The following IGSF9B variants were observed in gnomAD, a reference collection of about 807,000 sequenced individuals.
The protein encoded by IGSF9B is protein turtle homolog B.
In IGSF9B, 48 loss-of-function variants were observed where a neutral mutation model predicts 143.7. That is an observed-to-expected ratio of 0.33 (90% CI 0.26 to 0.42). IGSF9B has a LOEUF of 0.42. Among genes scored for constraint, IGSF9B ranks in the 20% least tolerant of loss-of-function variants. The pLI is 1.00. For missense variants in IGSF9B, 1,706 were observed against 1,980.0 expected, an observed-to-expected ratio of 0.86 and a Z score of 2.63; for synonymous variants, 903 against 833.1, an observed-to-expected ratio of 1.08 and a Z score of -1.44.
chr11:133,942,508 C>T (rs1313931798), intron 3 of IGSF9B, among the ~76,000 whole-genome samples: 1 of 152,194 alleles, frequency 6.6e-6, no homozygotes, highest in East Asian at 1.9e-4. Flanking sequence ...ATTCTACTTT[C>T]CAGTCATACG....
At position 133,922,589 on chromosome 11, in the gene IGSF9B, C is replaced by A; in HGVS notation, c.2261G>T (p.Arg754Leu). ...CCCACCTTTTTTGCGCTTGAGCTTA[C>A]GCTTGCGCTGCTTGTTGACAAAGCA... The part of the protein sequence containing the change: ...AACFVNKQRK[R>L]KLKRKKDPPL... The change falls in exon 16 of 20, where the codon CGT becomes CTT. Residue 754 changes from arginine (R) to leucine (L), a missense_variant. Arg to Leu is a moderately radical substitution (Grantham distance 102). Around this residue, in one of 7 missense-constraint regions of IGSF9B, gnomAD observed 135 missense variants for 181.3 expected, o/e 0.74. Transcript: ENST00000533871. 1 of 1,611,944 alleles carries A rather than the reference C, an allele frequency of 6.2e-7. No homozygotes were observed.
At chr11:133,941,501 T>A (rs329641) in intron 3 of IGSF9B, among the ~76,000 whole-genome samples, 57,084 of 152,144 alleles carry the variant, frequency 0.38, 11,803 homozygotes, top group Middle Eastern at 0.51. Context: ...AACGTAATGC[T>A]GGTGCTTGGA....
At position 133,931,980 on chromosome 11, in the gene IGSF9B, G is replaced by C; in HGVS notation, c.1110+91C>G. On this transcript the variant is annotated intron_variant, in intron 8 of 19. Coordinates refer to ENST00000533871, the MANE Select transcript of IGSF9B (RefSeq NM_001277285.4). This position sits in a 1 kb window ranked among gnomAD's most constrained non-coding sequence, Gnocchi z 7.7. ...TGCCCAGGGCTTTTGGAAGGGGCCAGGAGTCCTGGCAGAAATCCAGAGCCC... is the reference window on the plus strand; with the variant it reads ...TGCCCAGGGCTTTTGGAAGGGGCCACGAGTCCTGGCAGAAATCCAGAGCCC... 2 of 1,529,662 alleles carry C rather than the reference G, an allele frequency of 1.3e-6. No homozygotes were observed. Among genetic ancestry groups the C allele is most frequent in the Non-Finnish European group, 1.8e-6 (2 of 1,133,938 alleles). 94.8% of individuals were successfully genotyped at this position (1,529,662 alleles called of 1,614,324 possible). A position where few individuals can be genotyped will look rare whatever the true frequency, so the allele number is the denominator to read the frequency against.
intron 3 of IGSF9B, among the ~76,000 whole-genome samples, chr11:133,939,909 T>C (rs577502186): frequency 8.5e-5 from 12 of 140,584 alleles, no homozygotes; most frequent in South Asian, 2.3e-4. Flanking sequence ...AACATACACC[T>C]TGCACATCCT....
chr11:133,909,662 A>G lies in IGSF9B; in HGVS notation c.4106-385T>C, dbSNP rs1343206739. On this transcript the variant is annotated intron_variant, in intron 19 of 19. Coordinates refer to ENST00000533871, the MANE Select transcript of IGSF9B (RefSeq NM_001277285.4). The surrounding 1 kb of genome is among the most constrained non-coding windows in gnomAD (Gnocchi z 4.2). ...CAGGACATCTTTCTCATCTGCCCCA[A>G]GCAATGACCGACTTTATACAAGATT... Among the ~76,000 whole-genome samples, 1 of 152,206 alleles carries G rather than the reference A, an allele frequency of 6.6e-6. No individual in the cohort carries two copies. Among genetic ancestry groups the G allele is most frequent in the East Asian group, 1.9e-4 (1 of 5,180 alleles).
Position 133,931,435 on chromosome 11 carries a change from G to C in IGSF9B, c.1368+18C>G, listed in dbSNP as rs759040870. ...CCTCACACCTCCCTGCAGACCCAGG[G>C]CTCCAGGGCCCAGGTACCTTTCTCC... On this transcript the variant is annotated intron_variant, in intron 10 of 19. Transcript: ENST00000533871. This position sits in a 1 kb window ranked among gnomAD's most constrained non-coding sequence, Gnocchi z 7.7. 6 of 1,572,806 alleles carry C rather than the reference G, an allele frequency of 3.8e-6. No homozygotes were observed. Among genetic ancestry groups the C allele is most frequent in the Admixed American group, 1.7e-5 (1 of 59,670 alleles).
At chr11:133,929,228 AC>A (rs1939680286) in intron 12 of IGSF9B, among the ~76,000 whole-genome samples, 1 of 152,204 alleles carries the variant, frequency 6.6e-6, no homozygotes, top group African/African-American at 2.4e-5. Context: ...CGTACCCCAT[AC>A]CTACAAACGT....
intron 19 of IGSF9B, among the ~76,000 whole-genome samples, 168 bp downstream of exon 19, chr11:133,911,717 TA>T (rs1025176834): frequency 7.9e-5 from 12 of 151,816 alleles, no homozygotes; most frequent in South Asian, 2.1e-4. Flanking sequence ...AAAATAGTGT[TA>T]AAAAAAAGAA....
Position 133,931,386 on chromosome 11 carries a change from C to T in IGSF9B, c.1368+67G>A. On this transcript the variant is annotated intron_variant, in intron 10 of 19. Coordinates refer to ENST00000533871, the MANE Select transcript of IGSF9B (RefSeq NM_001277285.4). This position sits in a 1 kb window ranked among gnomAD's most constrained non-coding sequence, Gnocchi z 7.7. ...GGGCTCGCTGGGCCCTCAAACCTCC[C>T]CGCAGCCCCAGGGCTCCCTGGGCCC... 1 of 1,211,568 alleles carries T rather than the reference C, an allele frequency of 8.3e-7. No homozygotes were observed. The highest frequency in any genetic ancestry group is 1.2e-6 in the Non-Finnish European group (1 of 841,676). The allele number at this position is 1,211,568 out of a possible 1,614,324, so 75.1% of individuals were successfully genotyped here.
intron 12 of IGSF9B, 53 bp downstream of exon 12, chr11:133,929,618 G>A: frequency 7.5e-7 from 1 of 1,326,110 alleles, no homozygotes; most frequent in Non-Finnish European, 1.1e-6. Context: ...GAAGACCGGG[G>A]AGGGGAGAAG....
intron 1 of IGSF9B, among the ~76,000 whole-genome samples, chr11:133,952,481 TG>T (rs1940178442): frequency 6.6e-6 from 1 of 151,910 alleles, no homozygotes; most frequent in African/African-American, 2.4e-5. Flanking sequence ...CGGAGAGGAG[TG>T]GCCCCCACCT....
Position 133,946,304 on chromosome 11 carries a change from G to A in IGSF9B, c.65-46C>T, listed in dbSNP as rs756842081. The A allele has an allele frequency of 3.2e-6, 5 of 1,545,170 alleles. No homozygotes were observed. The African/African-American group carries it at 6.8e-5, about 21-fold the overall frequency. ...GGACACAGAAAGGAGGTGACAAAGA[G>A]ATCCTGCCCCAGCAGCCCCATGTCC... On this transcript the variant is annotated intron_variant, in intron 1 of 19. Transcript: ENST00000533871.
intron 13 of IGSF9B, 33 bp downstream of exon 13, chr11:133,926,883 C>T: frequency 1.3e-6 from 2 of 1,538,020 alleles, no homozygotes; most frequent in Non-Finnish European, 1.8e-6. Flanking sequence ...CCTCTACAAC[C>T]CCCGCTCCCA....
In IGSF9B at chr11:133,906,043, G is replaced by T. The variant is rs1360275123; in HGVS notation, c.*3026C>A. ...ACAGACATCTGAGACACAGAAGCAG[G>T]TTTACATCTGAGTCGTGTCTACTGC... is the stretch of plus-strand genomic sequence containing the variant. On this transcript the variant is annotated 3_prime_UTR_variant, in exon 20 of 20. Transcript: ENST00000533871. Among the ~76,000 whole-genome samples the T allele has an allele frequency of 1.3e-5, 2 of 152,256 alleles. No homozygotes were observed. Among genetic ancestry groups the T allele is most frequent in the African/African-American group, 2.4e-5 (1 of 41,466 alleles).
At chr11:133,939,314 A>G (rs1454844874) in intron 3 of IGSF9B, among the ~76,000 whole-genome samples, 1 of 152,152 alleles carries the variant, frequency 6.6e-6, no homozygotes, top group African/African-American at 2.4e-5. Context: ...AGCATTCTCT[A>G]TTCCCTGGTG....
rs117851229 is a variant in IGSF9B, at chr11:133,906,222, C to A, written c.*2847G>T. On this transcript the variant is annotated 3_prime_UTR_variant, in exon 20 of 20. Transcript: ENST00000533871. ...CCTAGAGGTGGTTACACCCCCATCA[C>A]CCACATGCTCACAACCACGCTGTCA... Among the ~76,000 whole-genome samples the A allele has an allele frequency of 1.3e-5, 2 of 152,226 alleles. No homozygotes were observed. The highest frequency in any genetic ancestry group is 2.9e-5 in the Non-Finnish European group (2 of 68,048).
intron 17 of IGSF9B, among the ~76,000 whole-genome samples, chr11:133,921,811 C>T (rs1466254138): frequency 1.3e-5 from 2 of 152,120 alleles, no homozygotes; most frequent in Non-Finnish European, 2.9e-5. Context: ...CCCCTCTTTT[C>T]AAGACAAGCA....
chr11:133,950,372 G>A (rs1940135456), intron 1 of IGSF9B, among the ~76,000 whole-genome samples: 2 of 152,300 alleles, frequency 1.3e-5, no homozygotes, highest in African/African-American at 4.8e-5. Flanking sequence ...TGCTGGGAAC[G>A]CAGGGAATCT....
At chr11:133,917,448 G>A (rs1486657169) in intron 18 of IGSF9B, among the ~76,000 whole-genome samples, 2 of 151,824 alleles carry the variant, frequency 1.3e-5, no homozygotes, top group Non-Finnish European at 2.9e-5. Context: ...TCTGCCCAGG[G>A]GAAGCCTGCC....
Sources: allele counts gnomAD v4.1 joint callset (sites outside exome capture counted in the v4.1 genomes callset), GRCh38; gene constraint gnomAD v4.1.1; regional missense constraint gnomAD v4.1.1; non-coding constraint Gnocchi (gnomAD v3.1); transcripts MANE v1.5; gene names NCBI Gene and HGNC (gene_info 2026-07-23, HGNC 2026-07-21).